Variants in IFT52 observed in about 807,000 individuals in gnomAD.
The protein encoded by IFT52 is intraflagellar transport protein 52 homolog.
Under a neutral mutation model 54.4 loss-of-function variants are expected in IFT52, and 44 were observed. That is an observed-to-expected ratio of 0.81 (90% confidence interval 0.63 to 1.04). The LOEUF is 1.04. Ranked by LOEUF, IFT52 falls within the 50% of genes least tolerant of loss-of-function variation. The pLI, the probability that IFT52 is intolerant of heterozygous loss-of-function variation, is 0.00. For synonymous variants in IFT52, 181 were observed against 185.3 expected (o/e 0.98, Z 0.19); for missense variants, 452 against 523.6 (o/e 0.86, Z 1.33).
chr20:43,637,384 T>A, intron 12 of IFT52, 131 bp downstream of exon 12: 1 of 471,234 alleles, frequency 2.1e-6, no homozygotes. Flanking sequence ...TGTCTCAGCC[T>A]CCCGAGTAGC....
chr20:43,591,503 G>A (rs887538656), intron 1 of IFT52, among the ~76,000 whole-genome samples: 36 of 152,086 alleles, frequency 2.4e-4, no homozygotes, highest in African/African-American at 8.5e-4. Context: ...AAGTCTGACA[G>A]TACAGGAACG....
chr20:43,595,067 G>A (rs1981830043), intron 2 of IFT52, among the ~76,000 whole-genome samples: 1 of 151,890 alleles, frequency 6.6e-6, no homozygotes, highest in South Asian at 2.1e-4. Context: ...TGTAATCCCA[G>A]CACTTTGGGA....
intron 9 of IFT52, 106 bp from the exon 10 acceptor site, chr20:43,623,785 G>T: frequency 1.6e-6 from 2 of 1,267,288 alleles, no homozygotes; most frequent in South Asian, 1.4e-5. Flanking sequence ...AAAATTTCTT[G>T]GCAAGAGAAT....
intron 10 of IFT52, among the ~76,000 whole-genome samples, chr20:43,629,149 G>T: frequency 6.6e-6 from 1 of 152,182 alleles, no homozygotes; most frequent in East Asian, 1.9e-4. Flanking sequence ...AAATGCCCAG[G>T]AATTACTTAG....
At chr20:43,620,800 C>T (rs995832187) in intron 8 of IFT52, 57 bp from the exon 9 acceptor site, 2 of 1,261,712 alleles carry the variant, frequency 1.6e-6, no homozygotes, top group Non-Finnish European at 2.3e-6. Context: ...TAGTCCTGAC[C>T]TTCAGCTTTT....
chr20:43,599,468 C>G (rs1326659677), intron 3 of IFT52, among the ~76,000 whole-genome samples: 2 of 152,164 alleles, frequency 1.3e-5, no homozygotes, highest in Admixed American at 1.3e-4. Flanking sequence ...AACGTCCTCT[C>G]CCAGACCAGT....
chr20:43,624,231 G>C, intron 10 of IFT52, 186 bp downstream of exon 10: 1 of 649,860 alleles, frequency 1.5e-6, no homozygotes, highest in Non-Finnish European at 2.7e-6. Flanking sequence ...GGAACTGCCA[G>C]AGGTTATTAG....
chr20:43,632,417 C>A (rs902878041), intron 10 of IFT52, among the ~76,000 whole-genome samples: 3 of 151,924 alleles, frequency 2.0e-5, no homozygotes, highest in Admixed American at 6.6e-5. Context: ...CGCGCCACCA[C>A]GCCCAGCTAA....
intron 3 of IFT52, among the ~76,000 whole-genome samples, chr20:43,598,892 A>G (rs1248185505): frequency 6.6e-6 from 1 of 152,066 alleles, no homozygotes; most frequent in African/African-American, 2.4e-5. Context: ...GAGGCAGGGC[A>G]AGGCCAATGT....
At chr20:43,595,861 T>G (rs1380566670) in intron 2 of IFT52, among the ~76,000 whole-genome samples, 2 of 152,076 alleles carry the variant, frequency 1.3e-5, no homozygotes, top group East Asian at 3.9e-4. Flanking sequence ...CACTCCAGCC[T>G]GGGAAACAGA....
intron 6 of IFT52, among the ~76,000 whole-genome samples, chr20:43,608,002 G>T (rs577101771): frequency 3.9e-5 from 6 of 152,170 alleles, no homozygotes; most frequent in African/African-American, 1.4e-4. Context: ...ACGAAAACCA[G>T]ACAGGCGTGG....
rs150799136 is a variant in IFT52, at chr20:43,617,286, A to G, written c.613-1654A>G. ...AACAATGTGTGAAAGAACTTATTTC[A>G]CTAAAATTCGACTAGCGCTGTTTAT... On this transcript the variant is annotated intron_variant, in intron 7 of 13. Transcript: ENST00000373030. Among the ~76,000 whole-genome samples, 65 of 152,328 alleles carry G rather than the reference A, an allele frequency of 4.3e-4. No homozygotes were observed. The East Asian group carries it at 0.011, about 26-fold the overall frequency.
At chr20:43,628,734 C>G (rs951271802) in intron 10 of IFT52, among the ~76,000 whole-genome samples, 2 of 152,038 alleles carry the variant, frequency 1.3e-5, no homozygotes, top group Non-Finnish European at 2.9e-5. Context: ...GCCTGTAGTC[C>G]CAGCTACTCG....
intron 12 of IFT52, among the ~76,000 whole-genome samples, chr20:43,640,521 A>G (rs1985844721): frequency 6.6e-6 from 1 of 152,166 alleles, no homozygotes; most frequent in African/African-American, 2.4e-5. Context: ...AATGTCCATA[A>G]TACATCATTA....
chr20:43,610,022 A>G (rs1983299567), intron 6 of IFT52, among the ~76,000 whole-genome samples: 1 of 151,978 alleles, frequency 6.6e-6, no homozygotes, highest in South Asian at 2.1e-4. Context: ...AAAGAAGCCC[A>G]GGTACGATGA....
chr20:43,632,781 A>C (rs1985260886), intron 10 of IFT52, among the ~76,000 whole-genome samples: 4 of 152,222 alleles, frequency 2.6e-5, no homozygotes, highest in Admixed American at 2.6e-4. Flanking sequence ...AACAGATTTC[A>C]GATTTGACTC....
At position 43,596,478 on chromosome 20, in the gene IFT52, CTG is replaced by C. The variant is rs1164839560; in HGVS notation, c.166_167del (p.Trp56AspfsTer13). ...ITSEKLNGVK[L>X]WITAGPREKF... ...ATCTGAGAAGTTAAATGGAGTGAAA[CTG>C]TGGATTACAGCTGGGCCAAGGGAAA... On this transcript the variant is annotated frameshift_variant, in exon 3 of 14. Transcript: ENST00000373030. LOFTEE classifies it high-confidence loss of function. 8.1e-6 allele frequency: 13 copies of C among 1,607,106 alleles called. No individual in the cohort carries two copies. The highest frequency in any genetic ancestry group is 1.3e-5 in the African/African-American group (1 of 74,740).
intron 3 of IFT52, among the ~76,000 whole-genome samples, chr20:43,598,171 C>T (rs376021083): frequency 2.0e-4 from 30 of 152,068 alleles, no homozygotes; most frequent in Admixed American, 2.6e-4. Context: ...TTATGCCAAA[C>T]GAAAATAAGG....
chr20:43,607,211 G>T, intron 6 of IFT52, among the ~76,000 whole-genome samples: 1 of 145,318 alleles, frequency 6.9e-6, no homozygotes, highest in Non-Finnish European at 1.5e-5. Flanking sequence ...CCGGGCGGGG[G>T]GCTGACCCCC....
Sources: allele counts gnomAD v4.1 joint callset (sites outside exome capture counted in the v4.1 genomes callset), GRCh38; gene constraint gnomAD v4.1.1; transcripts MANE v1.5; gene names NCBI Gene and HGNC (gene_info 2026-07-23, HGNC 2026-07-21).